Variants in SHB observed in about 807,000 individuals in gnomAD.
The protein encoded by SHB is SH2 domain containing adaptor protein B, also known as SH2 domain-containing adapter protein B.
Under a neutral mutation model 52.3 loss-of-function variants are expected in SHB, and 20 were observed. The observed-to-expected ratio is 0.38, with a 90% CI of 0.27 to 0.56. The LOEUF is 0.56. SHB is among the 20% of genes least tolerant of loss of function. SHB has a pLI of 0.71. For missense variants in SHB, 825 were observed against 723.3 expected (o/e 1.14, Z -1.61); for synonymous variants, 397 against 316.5 (o/e 1.25, Z -2.70).
At chr9:37,950,359 G>A (rs1443789738) in intron 4 of SHB, among the ~76,000 whole-genome samples, 1 of 151,790 alleles carries the variant, frequency 6.6e-6, no homozygotes, top group Non-Finnish European at 1.5e-5. Context: ...TTAAATTCCT[G>A]GGCTCAAGGG....
At chr9:37,976,224 C>A (rs192334063) in intron 2 of SHB, among the ~76,000 whole-genome samples, 149 of 152,214 alleles carry the variant, frequency 9.8e-4, no homozygotes, top group African/African-American at 3.2e-3. Flanking sequence ...TTAGTGGAGA[C>A]GGGGTTTTGC....
intron 5 of SHB, among the ~76,000 whole-genome samples, chr9:37,939,263 T>C (rs1416267884): frequency 1.3e-5 from 2 of 152,236 alleles, no homozygotes; most frequent in African/African-American, 2.4e-5. Context: ...GGAGAACTTC[T>C]AAGCTTAGCT....
intron 2 of SHB, among the ~76,000 whole-genome samples, chr9:37,995,707 C>T (rs1050214003): frequency 6.6e-6 from 1 of 152,184 alleles, no homozygotes; most frequent in African/African-American, 2.4e-5. Flanking sequence ...AGCAATGAGA[C>T]CAAGGGTGCT....
intron 2 of SHB, among the ~76,000 whole-genome samples, chr9:38,013,327 C>G (rs1587243714): frequency 6.6e-6 from 1 of 152,312 alleles, no homozygotes; most frequent in Non-Finnish European, 1.5e-5. Context: ...ATTTAAAAGG[C>G]AAAGTCGGTG....
chr9:37,938,556 G>A (rs17516635), intron 5 of SHB, among the ~76,000 whole-genome samples: 5,085 of 152,330 alleles, frequency 0.033, 121 homozygotes, highest in African/African-American at 0.066. Flanking sequence ...CCCGGGGCAC[G>A]AGAGGTTTCC....
chr9:37,928,764 A>T (rs1309068542), intron 5 of SHB, among the ~76,000 whole-genome samples: 1 of 152,182 alleles, frequency 6.6e-6, no homozygotes, highest in East Asian at 1.9e-4. Flanking sequence ...CTGGCCCCTT[A>T]TGTAAAGGTG....
intron 5 of SHB, among the ~76,000 whole-genome samples, chr9:37,941,097 C>T (rs1194074686): frequency 6.6e-6 from 1 of 152,186 alleles, no homozygotes; most frequent in Non-Finnish European, 1.5e-5. Context: ...GATTCTCTAG[C>T]ATTCTTTCCA....
At chr9:38,048,657 T>C (rs1316659469) in intron 1 of SHB, among the ~76,000 whole-genome samples, 1 of 152,124 alleles carries the variant, frequency 6.6e-6, no homozygotes, top group Non-Finnish European at 1.5e-5. Flanking sequence ...TAAATACACA[T>C]ACAAAAAATG....
intron 2 of SHB, among the ~76,000 whole-genome samples, chr9:38,003,372 G>A (rs530972041): frequency 9.9e-5 from 15 of 152,008 alleles, no homozygotes; most frequent in African/African-American, 2.7e-4. Context: ...CGCTGCAACC[G>A]CTTCCACCAC....
At chr9:38,018,829 G>T (rs1039884273) in intron 1 of SHB, among the ~76,000 whole-genome samples, 4 of 152,232 alleles carry the variant, frequency 2.6e-5, no homozygotes, top group Non-Finnish European at 2.9e-5. Context: ...GCTGCCTGGG[G>T]CTCACCGCCA....
At chr9:37,947,130 ATTCT>A (rs1379008109) in intron 5 of SHB, among the ~76,000 whole-genome samples, 1 of 152,128 alleles carries the variant, frequency 6.6e-6, no homozygotes, top group Non-Finnish European at 1.5e-5. Flanking sequence ...AACTGACCCG[ATTCT>A]TTCAGCCATC....
At chr9:38,035,259 C>CAGAGCTATTCAA (rs1039565493) in intron 1 of SHB, among the ~76,000 whole-genome samples, 2 of 151,880 alleles carry the variant, frequency 1.3e-5, no homozygotes, top group Non-Finnish European at 2.9e-5. Flanking sequence ...AATGATCAGA[C>CAGAGCTATTCAA]AGAGCTATTC....
chr9:38,004,259 C>A (rs1821054037), intron 2 of SHB, among the ~76,000 whole-genome samples: 1 of 152,198 alleles, frequency 6.6e-6, no homozygotes, highest in African/African-American at 2.4e-5. Context: ...GAGCAGAAAA[C>A]TGAATGCCAG....
At chr9:37,987,447 A>T (rs1203915361) in intron 2 of SHB, among the ~76,000 whole-genome samples, 1 of 152,172 alleles carries the variant, frequency 6.6e-6, no homozygotes, top group African/African-American at 2.4e-5. Context: ...GTGCCTTTCC[A>T]GCCCAAGTCA....
chr9:37,953,742 G>T (rs979676510), intron 4 of SHB, among the ~76,000 whole-genome samples: 2 of 152,186 alleles, frequency 1.3e-5, no homozygotes, highest in South Asian at 4.1e-4. Context: ...CTGAACTCTA[G>T]AACAGCATCA....
chr9:37,921,402 C>A (rs1342731583), intron 5 of SHB, among the ~76,000 whole-genome samples: 1 of 152,246 alleles, frequency 6.6e-6, no homozygotes, highest in Non-Finnish European at 1.5e-5. Context: ...CAAGTGCCCA[C>A]TCTATTAACA....
chr9:37,935,720 A>C (rs1564082492), intron 5 of SHB, among the ~76,000 whole-genome samples: 1 of 152,114 alleles, frequency 6.6e-6, no homozygotes, highest in Non-Finnish European at 1.5e-5. Context: ...CAGAATCGAG[A>C]TCTGAACCAG....
Position 37,919,851 on chromosome 9 carries a change from G to A in SHB, c.1500C>T (p.Leu500=). ...LPIKGAEHLS[L]LYPVAVRTL is the part of the protein sequence containing the mutation. ...GGGTCCTCACAGCCACGGGATAGAG[G>A]AGGGACAAGTGCTCAGCCCCTTTGA... Residue 500 remains leucine, a synonymous_variant, in exon 6 of 6, where the codon CTC becomes CTT. Transcript: ENST00000377707. 3.7e-6 allele frequency: 6 copies of A among 1,614,008 alleles called. No individual in the cohort carries two copies. The highest frequency in any genetic ancestry group is 1.1e-5 in the South Asian group (1 of 91,070).
In SHB at chr9:37,974,779, G is replaced by A; in HGVS notation, c.897C>T (p.Thr299=). 6.2e-7 allele frequency: 1 copy of A among 1,614,076 alleles called. No homozygotes were observed. Among genetic ancestry groups the A allele is most frequent in the Non-Finnish European group, 8.5e-7 (1 of 1,179,980 alleles). The change falls in exon 3 of 6, where the codon ACC becomes ACT. Residue 299 remains threonine, a synonymous_variant. Coordinates refer to ENST00000377707, the MANE Select transcript of SHB (RefSeq NM_003028.3). The part of the protein sequence containing the change: ...SQHKGIQLYD[T]PYEPEGQSVD... ...CACTTTGGCCTTCAGGTTCGTAAGGGGTGTCATATAACTGGATACCTTTAT... is the reference window on the plus strand; with the variant it reads ...CACTTTGGCCTTCAGGTTCGTAAGGAGTGTCATATAACTGGATACCTTTAT...
Sources: gnomAD v4.1 joint callset for allele counts (sites outside exome capture counted in the v4.1 genomes callset) on GRCh38, gnomAD v4.1.1 for gene constraint, MANE v1.5 for transcripts, NCBI Gene and HGNC (gene_info 2026-07-23, HGNC 2026-07-21) for gene names.